The following PLXDC2 variants were observed in gnomAD, a reference collection of about 807,000 sequenced individuals.
PLXDC2 encodes the protein plexin domain-containing protein 2.
In PLXDC2, 40 loss-of-function variants were observed where a neutral mutation model predicts 68.9. The observed-to-expected ratio is 0.58, with a 90% CI of 0.45 to 0.76. The LOEUF (loss-of-function observed/expected upper bound fraction) is 0.76, where lower values mean the gene tolerates loss of function less well. Ranked by LOEUF, PLXDC2 falls within the 30% of genes least tolerant of loss-of-function variation. PLXDC2 has a pLI of 0.00. For synonymous variants in PLXDC2, 243 were observed against 234.2 expected (o/e 1.04, Z -0.34); for missense variants, 644 against 661.9 (o/e 0.97, Z 0.30).
chr10:19,837,577 A>G (rs1589493279), intron 1 of PLXDC2, among the ~76,000 whole-genome samples: 1 of 152,264 alleles, frequency 6.6e-6, no homozygotes, highest in South Asian at 2.1e-4. Flanking sequence ...GTGGTTACAT[A>G]GTTTGTGCTT....
intron 7 of PLXDC2, among the ~76,000 whole-genome samples, chr10:20,171,842 G>T (rs2358861): frequency 0.88 from 133,122 of 151,744 alleles, 58,616 homozygotes; most frequent in Non-Finnish European, 0.91. Context: ...GGGAGCAGTG[G>T]CTCGTGCCTG....
At chr10:20,044,122 T>TCCTTCCTTCCTTCCTC (rs71388894) in intron 2 of PLXDC2, among the ~76,000 whole-genome samples, 1,629 of 99,744 alleles carry the variant, frequency 0.016, 290 homozygotes, top group African/African-American at 0.058. Flanking sequence ...CTTCCTTCCT[T>TCCTTCCTTCCTTCCTC]CCTCCCTCCC....
At chr10:20,275,927 ATAAAAT>A (rs759890780) in intron 13 of PLXDC2, among the ~76,000 whole-genome samples, 2 of 144,570 alleles carry the variant, frequency 1.4e-5, no homozygotes, top group Non-Finnish European at 3.0e-5. Flanking sequence ...AATAATAATA[ATAAAAT>A]TAAATTAAAA....
At chr10:19,826,440 C>T (rs1027236904) in intron 1 of PLXDC2, among the ~76,000 whole-genome samples, 1 of 152,028 alleles carries the variant, frequency 6.6e-6, no homozygotes, top group Non-Finnish European at 1.5e-5. Context: ...TTGTTTGGAG[C>T]AGAAACAGGA....
At chr10:20,251,702 A>G (rs545966929) in intron 13 of PLXDC2, among the ~76,000 whole-genome samples, 1 of 152,318 alleles carries the variant, frequency 6.6e-6, no homozygotes, top group South Asian at 2.1e-4. Flanking sequence ...CAACATTCCT[A>G]TGAAAGGATT....
intron 2 of PLXDC2, among the ~76,000 whole-genome samples, chr10:20,015,044 C>T (rs926264414): frequency 3.3e-5 from 5 of 152,120 alleles, no homozygotes; most frequent in Non-Finnish European, 5.9e-5. Context: ...TGAAGCAGTC[C>T]GTGAGATAAA....
intron 1 of PLXDC2, among the ~76,000 whole-genome samples, chr10:19,884,995 C>T (rs186809385): frequency 0.045 from 6,905 of 152,218 alleles, 200 homozygotes; most frequent in Middle Eastern, 0.12. Flanking sequence ...CCTATTTCTC[C>T]ACATCCTCTC....
chr10:19,965,294 C>A (rs1180669590), intron 1 of PLXDC2, among the ~76,000 whole-genome samples: 2 of 152,092 alleles, frequency 1.3e-5, no homozygotes, highest in East Asian at 3.9e-4. Context: ...ACTGCAAACA[C>A]TTTGAGAAGG....
At chr10:20,211,257 G>T (rs1011399099) in intron 9 of PLXDC2, among the ~76,000 whole-genome samples, 5 of 151,894 alleles carry the variant, frequency 3.3e-5, no homozygotes, top group African/African-American at 1.2e-4. Flanking sequence ...TAAAATGAAT[G>T]AATGAATGAA....
At position 20,182,041 on chromosome 10, in the gene PLXDC2, T is replaced by C. The variant is rs529924016; in HGVS notation, c.1061+4632T>C. The stretch of plus-strand genomic sequence containing the variant: ...CTGAGGATCAGGAGAGATGAATGAA[T>C]GCAAGGTGTTTGGGAAGGAAACCGG... On this transcript the variant is annotated intron_variant, in intron 9 of 13. Coordinates refer to ENST00000377252, the MANE Select transcript of PLXDC2 (RefSeq NM_032812.9). 3.2e-4 allele frequency among the ~76,000 whole-genome samples: 48 copies of C among 149,558 alleles called. 1 individual carries two copies. In the South Asian group the frequency reaches 9.1e-3, roughly 28 times the overall value.
chr10:20,003,041 G>A (rs1430465987), intron 2 of PLXDC2, among the ~76,000 whole-genome samples: 1 of 152,186 alleles, frequency 6.6e-6, no homozygotes, highest in Non-Finnish European at 1.5e-5. Flanking sequence ...TCAGAGAACA[G>A]TTTGCTAAGT....
At chr10:19,862,509 G>A (rs1315425072) in intron 1 of PLXDC2, among the ~76,000 whole-genome samples, 2 of 152,210 alleles carry the variant, frequency 1.3e-5, no homozygotes, top group African/African-American at 4.8e-5. Flanking sequence ...TAACAGAATT[G>A]TGGAAAGGAA....
intron 1 of PLXDC2, among the ~76,000 whole-genome samples, chr10:19,874,401 A>G (rs1488599882): frequency 1.3e-5 from 2 of 152,176 alleles, no homozygotes; most frequent in Non-Finnish European, 2.9e-5. Flanking sequence ...GAGTCTTCCT[A>G]AGTTCCATAG....
chr10:20,007,802 AT>A (rs1483297844), intron 2 of PLXDC2, among the ~76,000 whole-genome samples: 1 of 152,194 alleles, frequency 6.6e-6, no homozygotes, highest in Non-Finnish European at 1.5e-5. Flanking sequence ...GGTTGCAAGG[AT>A]TTAGCTATTA....
chr10:20,263,784 C>T (rs1438478332), intron 13 of PLXDC2, among the ~76,000 whole-genome samples: 3 of 152,022 alleles, frequency 2.0e-5, no homozygotes, highest in African/African-American at 4.8e-5. Context: ...ATCTTACACC[C>T]GTCAGAATGG....
At chr10:20,250,059 G>A (rs768469334) in intron 13 of PLXDC2, among the ~76,000 whole-genome samples, 6 of 152,054 alleles carry the variant, frequency 3.9e-5, no homozygotes, top group Non-Finnish European at 7.4e-5. Context: ...CTTGAGGTCC[G>A]GAGTTCGAGA....
At position 19,923,990 on chromosome 10, in the gene PLXDC2, G is replaced by A. The variant is rs541181157; in HGVS notation, c.113-77785G>A. Among the ~76,000 whole-genome samples, 3 of 152,310 alleles carry A rather than the reference G, an allele frequency of 2.0e-5. No homozygotes were observed. The South Asian group carries it at 6.2e-4, about 32-fold the overall frequency. ...GAAGGGGAAGGATTGCTTGAGCTGG[G>A]AGGTGGAGGTTGCAGTGAGCCATGA... is the stretch of plus-strand genomic sequence containing the variant. On this transcript the variant is annotated intron_variant, in intron 1 of 13. Transcript: ENST00000377252.
intron 9 of PLXDC2, among the ~76,000 whole-genome samples, chr10:20,207,868 G>A (rs1394184394): frequency 3.3e-5 from 5 of 151,746 alleles, no homozygotes; most frequent in African/African-American, 4.8e-5. Flanking sequence ...GAGAGAATGA[G>A]AGATTGTCTT....
At chr10:19,893,341 AG>A (rs1837999943) in intron 1 of PLXDC2, among the ~76,000 whole-genome samples, 1 of 152,194 alleles carries the variant, frequency 6.6e-6, no homozygotes, top group Admixed American at 6.5e-5. Flanking sequence ...GGAAGAAAAA[AG>A]CACCATATCC....
Sources: allele counts gnomAD v4.1 joint callset (sites outside exome capture counted in the v4.1 genomes callset), GRCh38; gene constraint gnomAD v4.1.1; transcripts MANE v1.5; gene names NCBI Gene and HGNC (gene_info 2026-07-23, HGNC 2026-07-21).